OSGIN2: variants seen among roughly 807,000 people sequenced by gnomAD.
The protein encoded by OSGIN2 is oxidative stress-induced growth inhibitor 2.
In OSGIN2, 19 loss-of-function variants were observed where a neutral mutation model predicts 53.8. That is an observed-to-expected ratio of 0.35 (90% CI 0.25 to 0.52). OSGIN2 has a LOEUF of 0.52. OSGIN2 is among the 20% of genes least tolerant of loss of function. The pLI, the probability that OSGIN2 is intolerant of heterozygous loss-of-function variation, is 0.95. For missense variants in OSGIN2, 520 were observed against 662.7 expected (o/e 0.78, Z 2.36); for synonymous variants, 236 against 236.0 (o/e 1.00, Z 0.00).
At chr8:89,920,805 G>C (rs1809182160) in intron 4 of OSGIN2, among the ~76,000 whole-genome samples, 2 of 152,104 alleles carry the variant, frequency 1.3e-5, no homozygotes, top group African/African-American at 4.8e-5. Context: ...TATCAACATT[G>C]TGTAGGCATT....
In OSGIN2 at chr8:89,914,595, C is replaced by T; in HGVS notation, c.377C>T (p.Ser126Phe). The T allele has an allele frequency of 6.2e-7, 1 of 1,614,056 alleles. No individual in the cohort carries two copies. Among genetic ancestry groups the T allele is most frequent in the Non-Finnish European group, 8.5e-7 (1 of 1,179,920 alleles). ...TCTGAGGGCCTTGAGGGCCGATCAT[C>T]CAATCCAGTTGCAGTACTTTTCGAT... ...YLSEGLEGRSSNPVAVLFDTL... is the reference protein window; with the variant it reads ...YLSEGLEGRSFNPVAVLFDTL... The change falls in exon 4 of 6, where the codon TCC (serine) becomes TTC (phenylalanine). Residue 126 changes from serine (S) to phenylalanine (F), a missense_variant. Physicochemically the swap from Ser to Phe is radical, Grantham distance 155. Coordinates refer to ENST00000451899, the MANE Select transcript of OSGIN2 (RefSeq NM_001126111.3).
intron 2 of OSGIN2, among the ~76,000 whole-genome samples, chr8:89,911,054 G>A (rs919035849): frequency 1.3e-5 from 2 of 152,212 alleles, no homozygotes; most frequent in Non-Finnish European, 2.9e-5. Context: ...CAAAATCAAG[G>A]TGTTGGCAGG....
intron 1 of OSGIN2, among the ~76,000 whole-genome samples, chr8:89,903,378 A>AT (rs1160078453): frequency 6.6e-5 from 10 of 152,202 alleles, no homozygotes; most frequent in Non-Finnish European, 1.3e-4. Flanking sequence ...TAGGGGTGAT[A>AT]AAATATAATA....
At chr8:89,905,437 A>G (rs1808819411) in intron 1 of OSGIN2, among the ~76,000 whole-genome samples, 1 of 152,216 alleles carries the variant, frequency 6.6e-6, no homozygotes. Flanking sequence ...AAATCTAGAG[A>G]TTAACACTGT....
intron 1 of OSGIN2, 63 bp from the exon 2 acceptor site, chr8:89,909,504 T>C (rs573735293): frequency 3.5e-6 from 3 of 848,140 alleles, no homozygotes; most frequent in Non-Finnish European, 5.0e-6. Context: ...GGAGTAGAGA[T>C]TGATTTTTAT....
chr8:89,915,253 T>G (rs1363105429), intron 4 of OSGIN2, among the ~76,000 whole-genome samples: 2 of 152,198 alleles, frequency 1.3e-5, no homozygotes, highest in East Asian at 3.8e-4. Flanking sequence ...TTCCAGCCAG[T>G]TCAGTTCCTG....
chr8:89,912,785 C>G (rs1043962578), intron 2 of OSGIN2, among the ~76,000 whole-genome samples: 1 of 151,864 alleles, frequency 6.6e-6, no homozygotes, highest in East Asian at 1.9e-4. Context: ...CTCCTGATCC[C>G]TCCTGATGGC....
At chr8:89,920,972 G>T (rs1809187751) in intron 4 of OSGIN2, 108 bp from the exon 5 acceptor site, 1 of 666,292 alleles carries the variant, frequency 1.5e-6, no homozygotes, top group Non-Finnish European at 2.6e-6. Context: ...ACCTTGTCCA[G>T]AGTCATAATT....
At chr8:89,902,986 T>G (rs1364239903) in intron 1 of OSGIN2, 149 bp downstream of exon 1, 62 of 191,508 alleles carry the variant, frequency 3.2e-4, no homozygotes, top group East Asian at 9.3e-4. Flanking sequence ...GGCGTGGGGG[T>G]GGGGTGGGGT....
Position 89,924,561 on chromosome 8 carries a change from G to A in OSGIN2, c.679G>A (p.Val227Ile). 6.2e-7 allele frequency: 1 copy of A among 1,613,888 alleles called. No individual in the cohort carries two copies. The highest frequency in any genetic ancestry group is 2.2e-5 in the East Asian group (1 of 44,862). The stretch of plus-strand genomic sequence containing the variant: ...AATAGCTCGCTACTATAAACATTAT[G>A]TAAAAGTCATGGGTCTTCAGAAGAA... ...EEIARYYKHY[V>I]KVMGLQKNFR... Residue 227 changes from valine (V) to isoleucine (I), a missense_variant, in exon 6 of 6, where the codon GTA becomes ATA. By Grantham distance (29) the Val-to-Ile change is conservative. Coordinates refer to ENST00000451899, the MANE Select transcript of OSGIN2 (RefSeq NM_001126111.3).
In OSGIN2 at chr8:89,924,962, A is replaced by C; in HGVS notation, c.1080A>C (p.Ala360=). The C allele has an allele frequency of 6.2e-7, 1 of 1,614,186 alleles. No individual in the cohort carries two copies. The highest frequency in any genetic ancestry group is 8.5e-7 in the Non-Finnish European group (1 of 1,179,988). The part of the protein sequence containing the change: ...IVGSGLTAAD[A]VLCAYNSNIP... ...GTTCTGGGCTTACTGCCGCTGACGC[A>C]GTACTGTGTGCTTACAACAGTAATA... is the stretch of plus-strand genomic sequence containing the variant. Residue 360 remains alanine (A), a synonymous_variant, in exon 6 of 6, where the codon GCA becomes GCC. Transcript: ENST00000451899.
intron 4 of OSGIN2, among the ~76,000 whole-genome samples, chr8:89,920,614 A>G (rs1478252603): frequency 1.3e-5 from 2 of 152,202 alleles, no homozygotes; most frequent in African/African-American, 4.8e-5. Context: ...TAATTGATGG[A>G]GGAGGGAAAA....
chr8:89,918,105 T>G (rs889919021), intron 4 of OSGIN2, among the ~76,000 whole-genome samples: 4 of 152,226 alleles, frequency 2.6e-5, no homozygotes, highest in African/African-American at 4.8e-5. Flanking sequence ...GGTTTTCCAT[T>G]GGAACTGTTT....
chr8:89,914,391 G>C (rs1401647704), intron 3 of OSGIN2, among the ~76,000 whole-genome samples, 164 bp from the exon 4 acceptor site: 1 of 152,048 alleles, frequency 6.6e-6, no homozygotes, highest in Non-Finnish European at 1.5e-5. Context: ...GAATTTATTA[G>C]AGCAGAGTTT....
intron 2 of OSGIN2, among the ~76,000 whole-genome samples, chr8:89,912,075 C>T (rs1808979854): frequency 6.6e-6 from 1 of 151,860 alleles, no homozygotes; most frequent in South Asian, 2.1e-4. Flanking sequence ...TTTTACTTTT[C>T]TTATATCTTT....
Position 89,924,684 on chromosome 8 carries a change from C to T in OSGIN2, c.802C>T (p.Gln268Ter). 6.2e-7 allele frequency: 1 copy of T among 1,614,024 alleles called. No homozygotes were observed. The highest frequency in any genetic ancestry group is 8.5e-7 in the Non-Finnish European group (1 of 1,179,912). ...CAGAGATATTTCAACAAAGCATTTA[C>T]AGATAGAGAAGTCAAACTTTATCAA... is the stretch of plus-strand genomic sequence containing the variant. Reference protein sequence around the residue: ...QDRDISTKHLQIEKSNFIKRN... With the variant: ...QDRDISTKHL The change falls in exon 6 of 6, where the codon CAG (glutamine) becomes TAG (stop). Residue 268 changes from glutamine to a stop codon, truncating the protein, a stop_gained. Coordinates refer to ENST00000451899, the MANE Select transcript of OSGIN2 (RefSeq NM_001126111.3). LOFTEE classifies it high-confidence loss of function.
In OSGIN2 at chr8:89,921,185, T is replaced by C. The variant is rs758641693; in HGVS notation, c.620+14T>C. 21 of 1,444,182 alleles carry C rather than the reference T, an allele frequency of 1.5e-5. No individual in the cohort carries two copies. Among genetic ancestry groups the C allele is most frequent in the Non-Finnish European group, 1.9e-5 (20 of 1,049,682 alleles). The allele number at this position is 1,444,182 out of a possible 1,614,324, so 89.5% of individuals were successfully genotyped here. A position where few individuals can be genotyped will look rare whatever the true frequency, so the allele number is the denominator to read the frequency against. On this transcript the variant is annotated intron_variant, in intron 5 of 5. Transcript: ENST00000451899. Reference sequence around the variant, plus strand: ...AAGTAAACGAAGGTAAAGATTGAACTGTATTAAAATTCTTTGGTGTACGTT... The same window carrying C: ...AAGTAAACGAAGGTAAAGATTGAACCGTATTAAAATTCTTTGGTGTACGTT...
chr8:89,916,124 G>A (rs1447958105), intron 4 of OSGIN2, among the ~76,000 whole-genome samples: 1 of 152,114 alleles, frequency 6.6e-6, no homozygotes, highest in South Asian at 2.1e-4. Flanking sequence ...AAGCCATAAT[G>A]TATTTGGAAG....
At chr8:89,920,020 T>C (rs1405354858) in intron 4 of OSGIN2, among the ~76,000 whole-genome samples, 1 of 152,214 alleles carries the variant, frequency 6.6e-6, no homozygotes, top group Non-Finnish European at 1.5e-5. Context: ...GCAGTGGGAA[T>C]AATGTTAAAA....
Sources: gnomAD v4.1 joint callset for allele counts (sites outside exome capture counted in the v4.1 genomes callset) on GRCh38, gnomAD v4.1.1 for gene constraint, MANE v1.5 for transcripts, NCBI Gene and HGNC (gene_info 2026-07-23, HGNC 2026-07-21) for gene names.